The following EPG5 variants were observed in gnomAD, a reference collection of about 807,000 sequenced individuals.
EPG5 encodes the protein ectopic P granules protein 5 homolog.
Under a neutral mutation model 302.7 loss-of-function variants are expected in EPG5, and 159 were observed. The ratio of observed to expected loss-of-function variants is 0.53; its 90% confidence interval spans 0.46 to 0.60. EPG5 has a LOEUF of 0.60. Among genes scored for constraint, EPG5 ranks in the 20% least tolerant of loss-of-function variants. The pLI is 0.00. For missense variants in EPG5, 2,896 were observed against 3,092.4 expected (o/e 0.94, Z 1.51); for synonymous variants, 1,158 against 1,136.8 (o/e 1.02, Z -0.37).
At position 45,887,911 on chromosome 18, in the gene EPG5, T is replaced by C; in HGVS notation, c.4953-4A>G. Reference sequence around the variant, plus strand: ...CTTGTAGGCATTCACTAAGGCCCTGTGGGAAAATGTGGGTAAGACTGCAGT... The same window carrying C: ...CTTGTAGGCATTCACTAAGGCCCTGCGGGAAAATGTGGGTAAGACTGCAGT... On this transcript the variant is annotated splice_polypyrimidine_tract_variant and splice_region_variant and intron_variant, in intron 28 of 43. Coordinates refer to ENST00000282041, the MANE Select transcript of EPG5 (RefSeq NM_020964.3). 6.5e-7 allele frequency: 1 copy of C among 1,545,214 alleles called. No homozygotes were observed. Among genetic ancestry groups the C allele is most frequent in the Non-Finnish European group, 8.8e-7 (1 of 1,132,112 alleles).
At chr18:45,801,140 A>G in the EPG5 span, among the ~76,000 whole-genome samples, 2 of 152,032 alleles carry the variant, frequency 1.3e-5, no homozygotes, top group Admixed American at 1.3e-4. Flanking sequence ...GGGTTCAAGC[A>G]GTTCTCCTGC....
the EPG5 span, among the ~76,000 whole-genome samples, chr18:45,805,093 A>G: frequency 6.6e-6 from 1 of 152,114 alleles, no homozygotes; most frequent in Non-Finnish European, 1.5e-5. Flanking sequence ...TAATATATAG[A>G]AAAAACATTA....
chr18:45,909,586 T>G (rs1006570272), intron 23 of EPG5, among the ~76,000 whole-genome samples: 17 of 152,346 alleles, frequency 1.1e-4, no homozygotes, highest in African/African-American at 4.1e-4. Flanking sequence ...ATATCAAACT[T>G]ATAAATGAAA....
rs768636305 is a variant in EPG5 at position 45,875,179 on chromosome 18, G to T, written c.6049+1057C>A. Among the ~76,000 whole-genome samples, 97 of 152,106 alleles carry T rather than the reference G, an allele frequency of 6.4e-4. 1 individual carries two copies. Among genetic ancestry groups the T allele is most frequent in the Non-Finnish European group, 1.2e-4 (8 of 68,030 alleles). The stretch of plus-strand genomic sequence containing the variant: ...CAACAAATGTAGATCCTCTCTGGAG[G>T]ACTTACACACCCTCAGCCTAGGCCT... On this transcript the variant is annotated intron_variant, in intron 35 of 43. Coordinates refer to ENST00000282041, the MANE Select transcript of EPG5 (RefSeq NM_020964.3).
At chr18:45,819,626 C>T in the EPG5 span, among the ~76,000 whole-genome samples, 1 of 152,054 alleles carries the variant, frequency 6.6e-6, no homozygotes, top group Non-Finnish European at 1.5e-5. Context: ...GAAGACTTGC[C>T]CAGGTCCTCA....
intron 36 of EPG5, among the ~76,000 whole-genome samples, chr18:45,868,666 G>A (rs2048802828): frequency 6.6e-6 from 1 of 150,884 alleles, no homozygotes; most frequent in African/African-American, 2.4e-5. Flanking sequence ...ACCGCGCCCG[G>A]CCTATATTCC....
At chr18:45,951,064 T>G (rs2050897187) in intron 4 of EPG5, 38 bp downstream of exon 4, 1 of 1,436,378 alleles carries the variant, frequency 7.0e-7, no homozygotes, top group Non-Finnish European at 9.2e-7. Flanking sequence ...ATGAAAGAAA[T>G]AAAACAAAGA....
chr18:45,935,495 T>C (rs1403353800), intron 10 of EPG5, among the ~76,000 whole-genome samples: 1 of 152,158 alleles, frequency 6.6e-6, no homozygotes, highest in African/African-American at 2.4e-5. Flanking sequence ...TAAGCCAAGA[T>C]CGCACCATTG....
intron 34 of EPG5, among the ~76,000 whole-genome samples, chr18:45,876,932 G>A (rs958539105): frequency 9.2e-5 from 14 of 151,940 alleles, no homozygotes; most frequent in African/African-American, 2.4e-4. Flanking sequence ...TGCAGGCACC[G>A]ACCACCACAT....
chr18:45,886,536 C>T (rs2049220756), intron 29 of EPG5, among the ~76,000 whole-genome samples: 1 of 152,158 alleles, frequency 6.6e-6, no homozygotes, highest in African/African-American at 2.4e-5. Context: ...AATAGACACA[C>T]ATATACAAGA....
At chr18:45,911,735 C>A (rs969981076) in intron 22 of EPG5, among the ~76,000 whole-genome samples, 1 of 152,142 alleles carries the variant, frequency 6.6e-6, no homozygotes, top group Non-Finnish European at 1.5e-5. Context: ...CCATGCCCAG[C>A]CAGTATCTAT....
At chr18:45,842,878 C>G (rs1030240119), downstream of EPG5, 7 of 152,524 alleles carry the variant, frequency 4.6e-5, no homozygotes, top group African/African-American at 9.6e-5. Context: ...AGAGAGCAAG[C>G]CTGGGGCAGG....
chr18:45,827,859 T>C, the EPG5 span, among the ~76,000 whole-genome samples: 1 of 152,318 alleles, frequency 6.6e-6, no homozygotes, highest in African/African-American at 2.4e-5. Flanking sequence ...ACAAAGGATT[T>C]AGAGGAAGCA....
chr18:45,960,821 A>G (rs1382103771), intron 1 of EPG5, among the ~76,000 whole-genome samples: 1 of 152,160 alleles, frequency 6.6e-6, no homozygotes, highest in Non-Finnish European at 1.5e-5. Flanking sequence ...ATCATTTAAA[A>G]CTAAAGTTTT....
Position 45,923,281 on chromosome 18 carries a change from TCAGAGAGAATCC to T in EPG5, c.2813_2824del (p.Gly938_Ser941del), listed in dbSNP as rs1568158743. The T allele has an allele frequency of 3.1e-6, 5 of 1,613,778 alleles. No individual in the cohort carries two copies. Among genetic ancestry groups the T allele is most frequent in the Non-Finnish European group, 4.2e-6 (5 of 1,179,908 alleles). ...AGAAGGAAATACCTGCTTCATACTT[TCAGAGAGAATCC>T]CAGCATATGGCTTCTGTGCAAGGTA... On this transcript the variant is annotated inframe_deletion, in exon 15 of 44. Coordinates refer to ENST00000282041, the MANE Select transcript of EPG5 (RefSeq NM_020964.3).
chr18:45,936,720 CAAAAAAAAA>C (rs762675563), intron 10 of EPG5, among the ~76,000 whole-genome samples: 8 of 53,846 alleles, frequency 1.5e-4, no homozygotes, highest in East Asian at 1.0e-3. Flanking sequence ...GACTCCATTT[CAAAAAAAAA>C]AAAAAAAAAA....
chr18:45,838,872 T>TC, the EPG5 span: 4 of 1,587,366 alleles, frequency 2.5e-6, no homozygotes, highest in Admixed American at 1.7e-5. Flanking sequence ...CGCGTGAGGG[T>TC]CACGGCCACC....
the EPG5 span, chr18:45,842,276 C>A: frequency 6.8e-7 from 1 of 1,478,488 alleles, no homozygotes; most frequent in Non-Finnish European, 9.4e-7. Context: ...TCCTGGTTCT[C>A]GGGCACCTTG....
chr18:45,880,644 A>G (rs2049076912), intron 31 of EPG5, among the ~76,000 whole-genome samples: 1 of 152,152 alleles, frequency 6.6e-6, no homozygotes, highest in African/African-American at 2.4e-5. Flanking sequence ...CTCCAGAAGG[A>G]GTCTCCTACC....
Sources: gnomAD v4.1 joint callset for allele counts (sites outside exome capture counted in the v4.1 genomes callset) on GRCh38, gnomAD v4.1.1 for gene constraint, MANE v1.5 for transcripts, NCBI Gene and HGNC (gene_info 2026-07-23, HGNC 2026-07-21) for gene names.